RITA1: variants seen among roughly 807,000 people sequenced by gnomAD.
RITA1 encodes RBPJ-interacting and tubulin-associated protein 1.
A neutral mutation model predicts 8.7 loss-of-function variants in RITA1; 15 were observed. The observed-to-expected ratio is 1.72, with a 90% CI of 1.15 to 2.65. The LOEUF is 2.65. Among genes scored for constraint, RITA1 ranks in the 30% most tolerant of loss-of-function variants. RITA1 has a pLI of 0.00. For synonymous variants in RITA1, 145 were observed against 156.2 expected, an observed-to-expected ratio of 0.93 and a Z score of 0.53; for missense variants, 330 against 363.8, an observed-to-expected ratio of 0.91 and a Z score of 0.76.
chr12:113,186,166 T>A lies in RITA1; in HGVS notation c.-196-19T>A, dbSNP rs1952534372. 1 of 1,398,196 alleles carries A rather than the reference T, an allele frequency of 7.2e-7. No individual in the cohort carries two copies. The highest frequency in any genetic ancestry group is 9.7e-7 in the Non-Finnish European group (1 of 1,032,184). The allele number at this position is 1,398,196 out of a possible 1,614,324, so 86.6% of individuals were successfully genotyped here. ...AAGTACACAAGCTCTGGACTCAGAT[T>A]TCACTTCCACCGTTTTAGCTTTATA... On this transcript the variant is annotated intron_variant, in intron 1 of 3. Coordinates refer to ENST00000548278, the MANE Select transcript of RITA1 (RefSeq NM_032848.3).
chr12:113,186,156 G>A, intron 1 of RITA1, 29 bp from the exon 2 acceptor site: 1 of 1,412,852 alleles, frequency 7.1e-7, no homozygotes, highest in Non-Finnish European at 9.6e-7. Flanking sequence ...CACAAGCTCT[G>A]GACTCAGATT....
At chr12:113,188,073 G>A (rs918558426) in intron 3 of RITA1, among the ~76,000 whole-genome samples, 30 of 152,058 alleles carry the variant, frequency 2.0e-4, no homozygotes, top group Admixed American at 7.9e-4. Flanking sequence ...TTTTGAGATG[G>A]AGTCTCGCTC....
chr12:113,191,465 C>T lies in RITA1; in HGVS notation c.458C>T (p.Ser153Leu), dbSNP rs780914706. ...TPPPTPRGSH[S>L]PRPREAPLRA... Reference sequence around the variant, plus strand: ...CCACCTACCCCCAGGGGTAGCCACTCGCCCCGCCCCAGGGAGGCACCACTG... The same window carrying T: ...CCACCTACCCCCAGGGGTAGCCACTTGCCCCGCCCCAGGGAGGCACCACTG... Residue 153 changes from serine (S) to leucine (L), a missense_variant, in exon 4 of 4, where the codon TCG (serine) becomes TTG (leucine). Transcript: ENST00000548278. This position sits in a 1 kb window ranked among gnomAD's most constrained non-coding sequence, Gnocchi z 4.0. The T allele has an allele frequency of 3.0e-5, 48 of 1,604,080 alleles. No homozygotes were observed. The highest frequency in any genetic ancestry group is 1.5e-4 in the Admixed American group (9 of 59,592).
Position 113,185,900 on chromosome 12 carries a change from T to C in RITA1, c.-318T>C, listed in dbSNP as rs1952530236. 1 of 1,438,800 alleles carries C rather than the reference T, an allele frequency of 7.0e-7. No homozygotes were observed. The highest frequency in any genetic ancestry group is 9.4e-7 in the Non-Finnish European group (1 of 1,069,512). The allele number at this position is 1,438,800 out of a possible 1,614,324, so 89.1% of individuals were successfully genotyped here. On this transcript the variant is annotated 5_prime_UTR_variant, in exon 1 of 4. Coordinates refer to ENST00000548278, the MANE Select transcript of RITA1 (RefSeq NM_032848.3). ...GCCCCAGGCATTCCGGGCTGCAGATTGACGGGGATCCCGGATGCACCGCGC... is the reference window on the plus strand; with the variant it reads ...GCCCCAGGCATTCCGGGCTGCAGATCGACGGGGATCCCGGATGCACCGCGC...
chr12:113,189,897 C>T (rs964958632), intron 3 of RITA1, among the ~76,000 whole-genome samples: 3 of 151,084 alleles, frequency 2.0e-5, no homozygotes, highest in Admixed American at 1.3e-4. Context: ...ATTAGCAGGG[C>T]ATAGTGGTGC....
intron 3 of RITA1, among the ~76,000 whole-genome samples, chr12:113,190,803 G>C (rs1042416471): frequency 6.6e-6 from 1 of 152,220 alleles, no homozygotes; most frequent in Non-Finnish European, 1.5e-5. Context: ...GGAACTGTCT[G>C]TCTCCACCTT....
intron 3 of RITA1, among the ~76,000 whole-genome samples, chr12:113,188,942 T>A (rs1289861653): frequency 6.6e-6 from 1 of 151,338 alleles, no homozygotes; most frequent in Non-Finnish European, 1.5e-5. Flanking sequence ...CCCGAGTAGC[T>A]GGCATTACAG....
intron 3 of RITA1, among the ~76,000 whole-genome samples, chr12:113,189,632 C>A (rs769809180): frequency 4.6e-5 from 7 of 151,692 alleles, no homozygotes; most frequent in Non-Finnish European, 1.0e-4. Flanking sequence ...AAAGCTTGCC[C>A]TTTCAAAGAC....
chr12:113,191,305 GC>G lies in RITA1; in HGVS notation c.303-3del. ...AGCTCATGGCGTTTATCTTCCATTT[GC>G]CAGACCCATCAGCCACACCCCGTCT... On this transcript the variant is annotated splice_polypyrimidine_tract_variant and splice_region_variant and intron_variant, in intron 3 of 3. Transcript: ENST00000548278. This position sits in a 1 kb window ranked among gnomAD's most constrained non-coding sequence, Gnocchi z 4.0. The G allele has an allele frequency of 6.0e-6, 9 of 1,511,766 alleles. No individual in the cohort carries two copies. In the South Asian group the frequency reaches 1.2e-4, roughly 20 times the overall value. The allele number at this position is 1,511,766 out of a possible 1,614,324, so 93.6% of individuals were successfully genotyped here.
Position 113,186,792 on chromosome 12 carries a change from G to A in RITA1, c.46G>A (p.Gly16Ser), listed in dbSNP as rs779711838. 4 of 1,613,538 alleles carry A rather than the reference G, an allele frequency of 2.5e-6. No homozygotes were observed. The highest frequency in any genetic ancestry group is 1.3e-5 in the African/African-American group (1 of 74,910). The stretch of plus-strand genomic sequence containing the variant: ...GGCCGTCAGTGGGATGCAGACCCTC[G>A]GCCTTCAGCACCGCTGCCGAGGTGG... ...ELAVSGMQTL[G>S]LQHRCRGGYR... is the part of the protein sequence containing the mutation. Residue 16 changes from glycine (G) to serine (S), a missense_variant, in exon 3 of 4, where the codon GGC (glycine) becomes AGC (serine). Transcript: ENST00000548278.
At position 113,191,588 on chromosome 12, in the gene RITA1, T is replaced by C; in HGVS notation, c.581T>C (p.Leu194Pro). 1.2e-6 allele frequency: 2 copies of C among 1,614,106 alleles called. No individual in the cohort carries two copies. Among genetic ancestry groups the C allele is most frequent in the East Asian group, 2.2e-5 (1 of 44,880 alleles). ...SMGGLHSSRP[L>P]KRGLSHSLTH... The stretch of plus-strand genomic sequence containing the variant: ...GGTGGGTTACACTCTTCACGCCCCC[T>C]GAAGCGGGGACTTTCCCATTCCCTC... Residue 194 changes from leucine to proline, a missense_variant, in exon 4 of 4, where the codon CTG becomes CCG. Coordinates refer to ENST00000548278, the MANE Select transcript of RITA1 (RefSeq NM_032848.3). This position sits in a 1 kb window ranked among gnomAD's most constrained non-coding sequence, Gnocchi z 4.0.
In RITA1 at chr12:113,186,860, GTT is replaced by G; in HGVS notation, c.116_117del (p.Phe39TrpfsTer22). 2 of 1,614,072 alleles carry G rather than the reference GTT, an allele frequency of 1.2e-6. No homozygotes were observed. Among genetic ancestry groups the G allele is most frequent in the Non-Finnish European group, 1.7e-6 (2 of 1,180,024 alleles). On this transcript the variant is annotated frameshift_variant, in exon 3 of 4. Transcript: ENST00000548278. LOFTEE classifies it high-confidence loss of function. The part of the protein sequence containing the change: ...ARTSYVDETL[F>X]GSPAGTRPTP... ...GGACGTCATATGTGGATGAGACTCT[GTT>G]TGGCAGCCCAGCAGGCACCCGGCCT... is the stretch of plus-strand genomic sequence containing the variant.
chr12:113,189,801 T>A (rs1254700075), intron 3 of RITA1, among the ~76,000 whole-genome samples: 1 of 139,760 alleles, frequency 7.2e-6, no homozygotes. Context: ...TTTGGGAGGC[T>A]GAGGTGGGAG....
At chr12:113,188,773 T>G (rs1490378511) in intron 3 of RITA1, among the ~76,000 whole-genome samples, 1 of 150,038 alleles carries the variant, frequency 6.7e-6, no homozygotes, top group East Asian at 2.0e-4. Context: ...ATAATGTTAT[T>G]TAGCCTTAGT....
In RITA1 at chr12:113,186,930, A is replaced by G. The variant is rs528602812; in HGVS notation, c.184A>G (p.Arg62Gly). 3.1e-6 allele frequency: 5 copies of G among 1,614,132 alleles called. No individual in the cohort carries two copies. The highest frequency in any genetic ancestry group is 2.7e-5 in the African/African-American group (2 of 75,066). Residue 62 changes from arginine (R) to glycine (G), a missense_variant, in exon 3 of 4, where the codon AGA (arginine) becomes GGA (glycine). Coordinates refer to ENST00000548278, the MANE Select transcript of RITA1 (RefSeq NM_032848.3). ...FDPPWVEKAN[R>G]TRGVGKEASK... ...TCCGCCCTGGGTGGAGAAGGCTAAC[A>G]GAACCAGAGGCGTGGGCAAGGAGGC...
rs1355405119 is a variant in RITA1, at chr12:113,192,142, G to A, written c.*325G>A. 4 of 289,474 alleles carry A rather than the reference G, an allele frequency of 1.4e-5. No individual in the cohort carries two copies. The highest frequency in any genetic ancestry group is 2.6e-5 in the Non-Finnish European group (4 of 155,318). 17.9% of individuals were successfully genotyped at this position (289,474 alleles called of 1,614,324 possible). On this transcript the variant is annotated 3_prime_UTR_variant, in exon 4 of 4. Coordinates refer to ENST00000548278, the MANE Select transcript of RITA1 (RefSeq NM_032848.3). ...GTCTTGCTGCCAAGTGCGAATAAAC[G>A]GCGTGATTGCCAACCTGGAGGGTCC...
At chr12:113,188,647 A>AT (rs796144888) in intron 3 of RITA1, among the ~76,000 whole-genome samples, 3 of 147,944 alleles carry the variant, frequency 2.0e-5, no homozygotes, top group Non-Finnish European at 3.0e-5. Context: ...GCCTTTTCTC[A>AT]TTTTTTTTTA....
At chr12:113,186,458 G>C in intron 2 of RITA1, 142 bp downstream of exon 2, 3 of 1,370,568 alleles carry the variant, frequency 2.2e-6, no homozygotes, top group Non-Finnish European at 2.8e-6. Context: ...TTCACCGCCA[G>C]AGTCATTCTG....
rs1037091119 is a variant in RITA1, at chr12:113,185,955, C to G, written c.-263C>G. The G allele has an allele frequency of 6.5e-7, 1 of 1,534,822 alleles. No homozygotes were observed. Among genetic ancestry groups the G allele is most frequent in the Admixed American group, 2.0e-5 (1 of 50,952 alleles). ...CCGCGCCCTCACCGACGGGTCCAGA[C>G]CTGGTGGGAAGAAGGTGCGGGGACG... On this transcript the variant is annotated 5_prime_UTR_variant, in exon 1 of 4. Coordinates refer to ENST00000548278, the MANE Select transcript of RITA1 (RefSeq NM_032848.3).
Sources: gnomAD v4.1 joint callset for allele counts (sites outside exome capture counted in the v4.1 genomes callset) on GRCh38, gnomAD v4.1.1 for gene constraint, Gnocchi (gnomAD v3.1) non-coding constraint, MANE v1.5 for transcripts, NCBI Gene and HGNC (gene_info 2026-07-23, HGNC 2026-07-21) for gene names.